CPED1: variants seen among roughly 807,000 people sequenced by gnomAD.
The protein encoded by CPED1 is cadherin-like and PC-esterase domain-containing protein 1.
CPED1 carries 114 observed loss-of-function variants against 128.2 expected under a neutral mutation model. The ratio of observed to expected loss-of-function variants is 0.89; its 90% CI spans 0.76 to 1.04. The LOEUF is 1.04. Among genes scored for constraint, CPED1 ranks in the 50% least tolerant of loss-of-function variants. CPED1 has a pLI of 0.00. For missense variants in CPED1, 1,211 were observed against 1,207.1 expected, an observed-to-expected ratio of 1.00 and a Z score of -0.05; for synonymous variants, 462 against 426.7, an observed-to-expected ratio of 1.08 and a Z score of -1.02.
At chr7:121,128,932 T>C (rs911750066) in intron 11 of CPED1, among the ~76,000 whole-genome samples, 16 of 152,032 alleles carry the variant, frequency 1.1e-4, no homozygotes, top group Admixed American at 9.8e-4. Flanking sequence ...TAAACCTTAA[T>C]TTCTTATAAC....
intron 4 of CPED1, among the ~76,000 whole-genome samples, chr7:121,055,082 A>C (rs2116006611): frequency 6.6e-6 from 1 of 152,252 alleles, no homozygotes; most frequent in African/African-American, 2.4e-5. Context: ...GATGTACCAC[A>C]GGCTGTTTAT....
At chr7:121,247,418 T>C (rs1026225031) in intron 18 of CPED1, among the ~76,000 whole-genome samples, 2 of 152,174 alleles carry the variant, frequency 1.3e-5, no homozygotes, top group African/African-American at 4.8e-5. Flanking sequence ...GCCAGTGACA[T>C]AGCCAAGAAA....
At chr7:121,096,028 G>C (rs1282986834) in intron 5 of CPED1, among the ~76,000 whole-genome samples, 1 of 151,984 alleles carries the variant, frequency 6.6e-6, no homozygotes, top group Non-Finnish European at 1.5e-5. Context: ...TTAAGAACAC[G>C]TATTTTATTA....
At chr7:121,285,315 T>A (rs1037971107) in intron 22 of CPED1, among the ~76,000 whole-genome samples, 3 of 152,156 alleles carry the variant, frequency 2.0e-5, no homozygotes, top group African/African-American at 7.2e-5. Flanking sequence ...AGTCCTGTGA[T>A]GGGAGGGGCT....
rs548317327 is a variant in CPED1 at position 121,060,782 on chromosome 7, C to T, written c.541-3456C>T. The stretch of plus-strand genomic sequence containing the variant: ...AGGCTGTCCCAGCCAGCAGTGGCAA[C>T]CCGCTCCGGTCCCTTTTCACGTTGT... On this transcript the variant is annotated intron_variant, in intron 4 of 22. Coordinates refer to ENST00000310396, the MANE Select transcript of CPED1 (RefSeq NM_024913.5). 5.3e-5 allele frequency among the ~76,000 whole-genome samples: 8 copies of T among 152,084 alleles called. No homozygotes were observed. In the South Asian group the frequency reaches 1.2e-3, roughly 24 times the overall value.
rs762961041 is a variant in CPED1, at chr7:121,271,369, C to T, written c.2807C>T (p.Thr936Ile). The T allele has an allele frequency of 6.2e-7, 1 of 1,612,734 alleles. No individual in the cohort carries two copies. Among genetic ancestry groups the T allele is most frequent in the East Asian group, 2.2e-5 (1 of 44,788 alleles). ...GGCTATGAAGTAGTTGACACATTCA[C>T]TATAACAATGGGGCGTTACAAAGAG... ...KHGYEVVDTF[T>I]ITMGRYKEFL... The change falls in exon 22 of 23, where the codon ACT becomes ATT. Residue 936 changes from threonine to isoleucine, a missense_variant. By Grantham distance (89) the Thr-to-Ile change is moderately conservative. Coordinates refer to ENST00000310396, the MANE Select transcript of CPED1 (RefSeq NM_024913.5).
intron 21 of CPED1, among the ~76,000 whole-genome samples, chr7:121,268,625 T>G (rs1792177580): frequency 6.9e-6 from 1 of 145,976 alleles, no homozygotes; most frequent in Non-Finnish European, 1.5e-5. Flanking sequence ...TTGCTACCAG[T>G]GCATGTGCAC....
intron 16 of CPED1, among the ~76,000 whole-genome samples, chr7:121,152,000 G>A (rs1003012935): frequency 6.6e-6 from 1 of 152,184 alleles, no homozygotes; most frequent in African/African-American, 2.4e-5. Context: ...ACAGAATTAG[G>A]ACACTTTACC....
At chr7:121,235,164 A>C (rs1203219728) in intron 16 of CPED1, among the ~76,000 whole-genome samples, 1 of 152,116 alleles carries the variant, frequency 6.6e-6, no homozygotes, top group Non-Finnish European at 1.5e-5. Flanking sequence ...AGTCTCCACT[A>C]AAAATAAATG....
intron 3 of CPED1, among the ~76,000 whole-genome samples, chr7:121,020,154 T>C (rs1000828335): frequency 1.4e-4 from 22 of 152,130 alleles, no homozygotes; most frequent in African/African-American, 5.3e-4. Flanking sequence ...AATGCAAACC[T>C]GCAAGCAAGC....
At chr7:121,101,119 T>C (rs1278666790) in intron 7 of CPED1, among the ~76,000 whole-genome samples, 2 of 152,124 alleles carry the variant, frequency 1.3e-5, no homozygotes, top group African/African-American at 4.8e-5. Context: ...TCAATATCTC[T>C]ATCTGCTTCC....
At chr7:121,090,819 G>A (rs1794555135) in intron 5 of CPED1, among the ~76,000 whole-genome samples, 2 of 151,882 alleles carry the variant, frequency 1.3e-5, no homozygotes, top group South Asian at 2.1e-4. Flanking sequence ...CATGGTGGCG[G>A]TTGCCTATAA....
chr7:121,245,298 G>GATCA (rs1010668468), intron 18 of CPED1, among the ~76,000 whole-genome samples: 1 of 152,072 alleles, frequency 6.6e-6, no homozygotes. Context: ...TGTCTCTAAA[G>GATCA]ATCAATCAGT....
At chr7:121,050,135 C>T (rs1793309162) in intron 4 of CPED1, among the ~76,000 whole-genome samples, 1 of 152,208 alleles carries the variant, frequency 6.6e-6, no homozygotes, top group South Asian at 2.1e-4. Flanking sequence ...AAATAGAAAT[C>T]TGGCCTTCAT....
chr7:121,238,855 G>A (rs1798322178), intron 17 of CPED1, among the ~76,000 whole-genome samples: 1 of 151,898 alleles, frequency 6.6e-6, no homozygotes, highest in Non-Finnish European at 1.5e-5. Context: ...CTCTAGAGAA[G>A]AGATTGTCCC....
chr7:121,108,090 A>G (rs1047150881), intron 7 of CPED1, among the ~76,000 whole-genome samples: 2 of 152,104 alleles, frequency 1.3e-5, no homozygotes, highest in Non-Finnish European at 2.9e-5. Flanking sequence ...ATGGAGCAAA[A>G]CAATTACTGT....
chr7:121,018,651 T>C (rs1792364505), intron 3 of CPED1, among the ~76,000 whole-genome samples: 2 of 152,134 alleles, frequency 1.3e-5, no homozygotes. Flanking sequence ...AGGTATTTTC[T>C]CTATTTCACC....
chr7:121,047,628 C>T (rs1793231380), intron 4 of CPED1, among the ~76,000 whole-genome samples: 1 of 149,368 alleles, frequency 6.7e-6, no homozygotes, highest in Non-Finnish European at 1.5e-5. Context: ...TCCTACAATT[C>T]GCCATCTAGA....
intron 13 of CPED1, among the ~76,000 whole-genome samples, chr7:121,135,695 G>A (rs529494090): frequency 1.3e-5 from 2 of 152,024 alleles, no homozygotes; most frequent in African/African-American, 4.8e-5. Context: ...AAATATTACT[G>A]GAACCAACTG....
Sources: gnomAD v4.1 joint callset for allele counts (sites outside exome capture counted in the v4.1 genomes callset) on GRCh38, gnomAD v4.1.1 for gene constraint, MANE v1.5 for transcripts, NCBI Gene and HGNC (gene_info 2026-07-23, HGNC 2026-07-21) for gene names.